TENM1: variants seen among roughly 807,000 people sequenced by gnomAD.
TENM1 encodes teneurin transmembrane protein 1, also known as teneurin-1.
Under a neutral mutation model 174.8 loss-of-function variants are expected in TENM1, and 35 were observed. The ratio of observed to expected loss-of-function variants is 0.20; its 90% CI spans 0.15 to 0.27. TENM1 has a LOEUF of 0.27. TENM1 is among the 10% of genes least tolerant of loss of function. The probability of loss-of-function intolerance (pLI) is 1.00; values close to 1 mark genes in which losing one functional copy is unlikely to be tolerated. For missense variants in TENM1, 1,633 were observed against 2,130.1 expected, an observed-to-expected ratio of 0.77 and a Z score of 4.59; for synonymous variants, 781 against 798.7, an observed-to-expected ratio of 0.98 and a Z score of 0.37.
intron 1 of TENM1, among the ~76,000 whole-genome samples, chrX:124,951,102 A>G (rs780792141): frequency 2.7e-5 from 3 of 111,948 alleles, no homozygotes; most frequent in Non-Finnish European, 3.8e-5. Context: ...ATACATGCAA[A>G]TAAAAGTTTC....
At chrX:124,417,693 T>C (rs1037531700) in intron 25 of TENM1, among the ~76,000 whole-genome samples, 6 of 111,296 alleles carry the variant, frequency 5.4e-5, no homozygotes, top group African/African-American at 2.0e-4. Flanking sequence ...GACTCATATA[T>C]CCAATTGTCT....
At chrX:124,474,753 C>T (rs1032812700) in intron 22 of TENM1, among the ~76,000 whole-genome samples, 3 of 111,420 alleles carry the variant, frequency 2.7e-5, no homozygotes, top group African/African-American at 9.8e-5. Context: ...CTTTTGACTA[C>T]CCTAAGCAGA....
chrX:124,528,548 C>G (rs1316412664), intron 16 of TENM1, among the ~76,000 whole-genome samples: 3 of 110,650 alleles, frequency 2.7e-5, no homozygotes, highest in Non-Finnish European at 5.7e-5. Context: ...TTTTAAGCAC[C>G]AGTTACTGGT....
intron 11 of TENM1, among the ~76,000 whole-genome samples, chrX:124,636,257 C>T (rs753267860): frequency 8.9e-6 from 1 of 111,850 alleles, no homozygotes; most frequent in Non-Finnish European, 1.9e-5. Context: ...GAGATCATCT[C>T]GATGGTTAAA....
chrX:124,970,417 T>G, the TENM1 span, among the ~76,000 whole-genome samples: 73 of 112,031 alleles, frequency 6.5e-4, 1 homozygote, highest in Admixed American at 6.9e-3. Context: ...CAAAGGAGGA[T>G]AGTACTCTTT....
At chrX:124,904,840 C>A (rs1293078595) in intron 1 of TENM1, among the ~76,000 whole-genome samples, 1 of 111,760 alleles carries the variant, frequency 8.9e-6, no homozygotes, top group African/African-American at 3.3e-5. Context: ...TGGTAAAAGA[C>A]CATCTTTAAG....
the TENM1 span, among the ~76,000 whole-genome samples, chrX:125,167,225 C>T: frequency 9.0e-6 from 1 of 111,590 alleles, no homozygotes; most frequent in South Asian, 3.8e-4. Context: ...GGTAAATGTT[C>T]ACATCATTAC....
At chrX:124,391,334 A>C (rs763292668) in intron 28 of TENM1, among the ~76,000 whole-genome samples, 6 of 112,056 alleles carry the variant, frequency 5.4e-5, no homozygotes, top group Non-Finnish European at 1.1e-4. Flanking sequence ...AACAAGAGGC[A>C]CTATCTTAGG....
chrX:124,823,851 A>G (rs1309495013), intron 3 of TENM1, among the ~76,000 whole-genome samples: 1 of 111,709 alleles, frequency 9.0e-6, no homozygotes, highest in African/African-American at 3.2e-5. Context: ...ATAACAATTG[A>G]GTGGATATTC....
intron 5 of TENM1, among the ~76,000 whole-genome samples, chrX:124,681,777 G>T (rs754128177): frequency 9.0e-6 from 1 of 111,665 alleles, no homozygotes; most frequent in Non-Finnish European, 1.9e-5. Flanking sequence ...TCTGCATAAG[G>T]TTGTTGTGAA....
At chrX:124,686,119 T>A (rs1024426376) in intron 5 of TENM1, among the ~76,000 whole-genome samples, 2 of 110,029 alleles carry the variant, frequency 1.8e-5, no homozygotes, top group South Asian at 7.6e-4. Context: ...AAGTGGCCTA[T>A]CATATACAGA....
the TENM1 span, among the ~76,000 whole-genome samples, chrX:125,126,601 T>C: frequency 9.1e-6 from 1 of 110,376 alleles, no homozygotes; most frequent in South Asian, 3.8e-4. Flanking sequence ...AGAGAAACTT[T>C]GTACTGCTTC....
chrX:124,480,050 C>T (rs981990347), intron 22 of TENM1, among the ~76,000 whole-genome samples: 2 of 111,591 alleles, frequency 1.8e-5, no homozygotes, highest in African/African-American at 6.5e-5. Flanking sequence ...GAATTCCTGG[C>T]ATAGATAAGA....
At chrX:125,171,411 C>T in the TENM1 span, among the ~76,000 whole-genome samples, 1 of 110,568 alleles carries the variant, frequency 9.0e-6, no homozygotes, top group Non-Finnish European at 1.9e-5. Flanking sequence ...GGAAATTATT[C>T]ATAATTTCAG....
At chrX:124,582,799 C>T (rs993274684) in intron 11 of TENM1, among the ~76,000 whole-genome samples, 8 of 111,886 alleles carry the variant, frequency 7.2e-5, no homozygotes, top group Admixed American at 1.9e-4. Context: ...AGGGGTGAAT[C>T]GGCACCTGGA....
chrX:124,645,117 G>A, intron 10 of TENM1, 26 bp downstream of exon 13: 1 of 1,189,988 alleles, frequency 8.4e-7, no homozygotes, highest in Non-Finnish European at 1.1e-6. Context: ...AAAGCCTGAA[G>A]CAATAGATTA....
chrX:125,119,824 A>G, the TENM1 span, among the ~76,000 whole-genome samples: 1 of 111,279 alleles, frequency 9.0e-6, no homozygotes, highest in Admixed American at 9.6e-5. Flanking sequence ...AAAAATGAAG[A>G]TGATGAAAAT....
chrX:124,873,764 T>C (rs779061834), intron 3 of TENM1, among the ~76,000 whole-genome samples: 9 of 111,441 alleles, frequency 8.1e-5, no homozygotes, highest in Non-Finnish European at 1.3e-4. Context: ...AGATTTATTT[T>C]AAAAATTTCA....
chrX:124,617,286 C>T (rs910054172), intron 11 of TENM1, among the ~76,000 whole-genome samples: 5 of 111,579 alleles, frequency 4.5e-5, no homozygotes, highest in African/African-American at 1.6e-4. Context: ...TCTAATTGTC[C>T]CTCCCTAACT....
Sources: gnomAD v4.1 joint callset for allele counts (sites outside exome capture counted in the v4.1 genomes callset) on GRCh38, gnomAD v4.1.1 for gene constraint, MANE v1.5 for transcripts, NCBI Gene and HGNC (gene_info 2026-07-23, HGNC 2026-07-21) for gene names.